GAK: variants seen among roughly 807,000 people sequenced by gnomAD.
GAK encodes the protein cyclin G associated kinase, also known as cyclin-G-associated kinase.
GAK carries 79 observed loss-of-function variants against 143.9 expected under a neutral mutation model. The observed-to-expected ratio is 0.55, with a 90% CI of 0.46 to 0.66. The LOEUF (loss-of-function observed/expected upper bound fraction) is 0.66, where lower values mean the gene tolerates loss of function less well. GAK is among the 30% of genes least tolerant of loss of function. The pLI is 0.00. For missense variants in GAK, 1,693 were observed against 1,779.7 expected (o/e 0.95, Z 0.88); for synonymous variants, 881 against 765.5 (o/e 1.15, Z -2.49).
In GAK at chr4:909,654, T is replaced by C. The variant is rs1042196889; in HGVS notation, c.382+2019A>G. ...GGCCATCATGGAATTTCTCTCAGGC[T>C]GTATAGAGTTATGAGGCTTTCTGGT... On this transcript the variant is annotated intron_variant, in intron 4 of 27. Coordinates refer to ENST00000314167, the MANE Select transcript of GAK (RefSeq NM_005255.4). 2.6e-5 allele frequency among the ~76,000 whole-genome samples: 4 copies of C among 152,168 alleles called. No homozygotes were observed. In the East Asian group the frequency reaches 5.8e-4, roughly 22 times the overall value.
chr4:930,159 T>C (rs7663192), intron 1 of GAK, among the ~76,000 whole-genome samples: 103,254 of 151,998 alleles, frequency 0.68, 35,303 homozygotes, highest in South Asian at 0.85. Flanking sequence ...AGGTTGCTGT[T>C]CAGACAAAAC....
intron 11 of GAK, chr4:884,339 A>T (rs968399641): frequency 7.9e-6 from 4 of 507,098 alleles, no homozygotes; most frequent in African/African-American, 2.0e-5. Flanking sequence ...GTGAGACAGG[A>T]GAGACATCCG....
intron 20 of GAK, 84 bp from the exon 21 acceptor site, chr4:867,516 C>T (rs1178157192): frequency 8.2e-6 from 7 of 853,816 alleles, no homozygotes; most frequent in Middle Eastern, 2.7e-4. Context: ...TCAGGGCCTC[C>T]TCGGCCCAGG....
rs566961437 is a variant in GAK, at chr4:872,044, A to C, written c.2055-1140T>G. Among the ~76,000 whole-genome samples, 48 of 152,318 alleles carry C rather than the reference A, an allele frequency of 3.2e-4. No homozygotes were observed. In the South Asian group the frequency reaches 5.8e-3, roughly 18 times the overall value. ...TGCCAGTGTCTGCAGGGCCAGGAACACCCAGAGCAGAGTGGGATCCGCCGA... is the reference window on the plus strand; with the variant it reads ...TGCCAGTGTCTGCAGGGCCAGGAACCCCCAGAGCAGAGTGGGATCCGCCGA... On this transcript the variant is annotated intron_variant, in intron 18 of 27. Coordinates refer to ENST00000314167, the MANE Select transcript of GAK (RefSeq NM_005255.4).
chr4:901,514 G>T (rs1178586494), intron 5 of GAK, among the ~76,000 whole-genome samples: 1 of 152,268 alleles, frequency 6.6e-6, no homozygotes, highest in Non-Finnish European at 1.5e-5. Flanking sequence ...GGCTGCATGG[G>T]CAGACATGAG....
chr4:911,170 G>A (rs557854330), intron 4 of GAK, among the ~76,000 whole-genome samples: 1 of 152,266 alleles, frequency 6.6e-6, no homozygotes, highest in South Asian at 2.1e-4. Context: ...ACCCACAGAG[G>A]GACCTGGAGT....
intron 5 of GAK, among the ~76,000 whole-genome samples, chr4:901,609 A>G (rs920916956): frequency 6.6e-6 from 1 of 152,178 alleles, no homozygotes; most frequent in Non-Finnish European, 1.5e-5. Context: ...GATGAACGAA[A>G]CCTCTGGACA....
intron 5 of GAK, among the ~76,000 whole-genome samples, chr4:899,283 G>A (rs908696547): frequency 5.9e-5 from 9 of 152,230 alleles, no homozygotes; most frequent in African/African-American, 1.9e-4. Context: ...TCTTCAACAA[G>A]ACAGACAGCA....
chr4:880,868 G>A (rs1714958598), intron 15 of GAK, among the ~76,000 whole-genome samples: 1 of 152,190 alleles, frequency 6.6e-6, no homozygotes, highest in Admixed American at 6.5e-5. Flanking sequence ...ATGCCACAGG[G>A]AAAGAGACTC....
chr4:904,846 T>A, intron 4 of GAK, 67 bp from the exon 5 acceptor site: 1 of 1,519,834 alleles, frequency 6.6e-7, no homozygotes, highest in South Asian at 1.2e-5. Context: ...CCTAGGGCTG[T>A]TTCACGCGGA....
intron 24 of GAK, among the ~76,000 whole-genome samples, chr4:855,767 C>T (rs1749016754): frequency 6.6e-6 from 1 of 152,082 alleles, no homozygotes; most frequent in African/African-American, 2.4e-5. Context: ...CCAGCCTGGC[C>T]AACATGGTGA....
At position 928,099 on chromosome 4, in the gene GAK, C is replaced by T. The variant is rs555677415; in HGVS notation, c.145+3944G>A. On this transcript the variant is annotated intron_variant, in intron 1 of 27. Transcript: ENST00000314167. ...TTGAGATAGAGTCTCGCTCTGTCGT[C>T]CAGGCTGGAGTGCAGTGGTGCAATC... Among the ~76,000 whole-genome samples, 7 of 152,334 alleles carry T rather than the reference C, an allele frequency of 4.6e-5. No individual in the cohort carries two copies. In the South Asian group the frequency reaches 1.4e-3, roughly 32 times the overall value.
chr4:883,146 AAC>A (rs1715505429), intron 13 of GAK, among the ~76,000 whole-genome samples, 167 bp downstream of exon 13: 1 of 152,156 alleles, frequency 6.6e-6, no homozygotes, highest in Non-Finnish European at 1.5e-5. Context: ...TCCTCAGAGC[AAC>A]AGAGACCCCA....
chr4:928,421 C>G (rs1192699119), intron 1 of GAK, among the ~76,000 whole-genome samples: 1 of 152,218 alleles, frequency 6.6e-6, no homozygotes. Flanking sequence ...TCCCAGCACT[C>G]TGGGAGGCCT....
intron 5 of GAK, among the ~76,000 whole-genome samples, chr4:899,858 C>T (rs1263681528): frequency 6.6e-6 from 1 of 152,206 alleles, no homozygotes; most frequent in East Asian, 1.9e-4. Flanking sequence ...GGGAAAGAAA[C>T]GGACACACAT....
intron 4 of GAK, 86 bp downstream of exon 4, chr4:911,587 T>C (rs1560421984): frequency 2.2e-6 from 2 of 896,986 alleles, no homozygotes; most frequent in South Asian, 1.4e-5. Flanking sequence ...CCGGGCATGT[T>C]TCACAGCCAT....
chr4:909,469 G>C (rs1721652709), intron 4 of GAK, among the ~76,000 whole-genome samples: 1 of 152,168 alleles, frequency 6.6e-6, no homozygotes, highest in Admixed American at 6.5e-5. Flanking sequence ...ACGTGTCAGG[G>C]ATGGGGGAGA....
intron 1 of GAK, among the ~76,000 whole-genome samples, chr4:919,765 C>G (rs976097247): frequency 1.3e-5 from 2 of 152,234 alleles, no homozygotes; most frequent in Admixed American, 1.3e-4. Context: ...ACCTGTTTAC[C>G]GTCTGTCTCA....
chr4:928,761 T>C (rs974926198), intron 1 of GAK, among the ~76,000 whole-genome samples: 2 of 152,074 alleles, frequency 1.3e-5, no homozygotes, highest in Non-Finnish European at 2.9e-5. Context: ...CATTCTTTTT[T>C]CTTTTCTTTT....
Sources: allele counts gnomAD v4.1 joint callset (sites outside exome capture counted in the v4.1 genomes callset), GRCh38; gene constraint gnomAD v4.1.1; transcripts MANE v1.5; gene names NCBI Gene and HGNC (gene_info 2026-07-23, HGNC 2026-07-21).